Variants in PARD3B observed in about 807,000 individuals in gnomAD.
The protein encoded by PARD3B is par-3 family cell polarity regulator beta, also known as partitioning defective 3 homolog B.
In PARD3B, 103 loss-of-function variants were observed where a neutral mutation model predicts 130.2. That is an observed-to-expected ratio of 0.79 (90% CI 0.67 to 0.93). The LOEUF is 0.93. Ranked by LOEUF, PARD3B falls within the 40% of genes least tolerant of loss-of-function variation. The probability of loss-of-function intolerance (pLI) is 0.00; values close to 1 mark genes in which losing one functional copy is unlikely to be tolerated. For synonymous variants in PARD3B, 583 were observed against 553.2 expected, an observed-to-expected ratio of 1.05 and a Z score of -0.76; for missense variants, 1,609 against 1,499.2, an observed-to-expected ratio of 1.07 and a Z score of -1.21.
At chr2:204,798,704 A>G (rs1157264565) in intron 2 of PARD3B, among the ~76,000 whole-genome samples, 3 of 152,130 alleles carry the variant, frequency 2.0e-5, no homozygotes, top group Non-Finnish European at 4.4e-5. Flanking sequence ...GCTCAGCCAC[A>G]GTATGATAGG....
chr2:204,910,411 A>T (rs1397867715), intron 2 of PARD3B, among the ~76,000 whole-genome samples: 1 of 152,220 alleles, frequency 6.6e-6, no homozygotes, highest in East Asian at 1.9e-4. Flanking sequence ...AAGGTAAGAA[A>T]TTTGTAATAA....
chr2:205,085,144 G>A (rs1701668865), intron 4 of PARD3B, among the ~76,000 whole-genome samples: 2 of 151,934 alleles, frequency 1.3e-5, no homozygotes, highest in Admixed American at 6.6e-5. Context: ...GCGTAGGTTG[G>A]AATTTATTAT....
intron 10 of PARD3B, among the ~76,000 whole-genome samples, chr2:205,150,747 A>G (rs562765532): frequency 6.6e-6 from 1 of 152,288 alleles, no homozygotes; most frequent in African/African-American, 2.4e-5. Flanking sequence ...GGGTCAAATC[A>G]TGGAATGGAC....
intron 20 of PARD3B, among the ~76,000 whole-genome samples, chr2:205,459,006 C>T (rs1349232904): frequency 6.6e-6 from 1 of 152,158 alleles, no homozygotes; most frequent in Non-Finnish European, 1.5e-5. Context: ...GTGTTGTTTA[C>T]GAGTCCCTTC....
intron 18 of PARD3B, among the ~76,000 whole-genome samples, chr2:205,364,940 G>A (rs2668147): frequency 0.12 from 18,137 of 152,082 alleles, 1,157 homozygotes; most frequent in Middle Eastern, 0.14. Flanking sequence ...GGTGGCTCAC[G>A]CCTGTAATCC....
chr2:205,323,178 G>A (rs2042815140), intron 18 of PARD3B, among the ~76,000 whole-genome samples: 2 of 151,564 alleles, frequency 1.3e-5, no homozygotes, highest in South Asian at 4.2e-4. Flanking sequence ...CAAAGTGCTG[G>A]GATTACAGGC....
intron 4 of PARD3B, among the ~76,000 whole-genome samples, chr2:205,103,020 A>T (rs1392869838): frequency 6.6e-6 from 1 of 152,108 alleles, no homozygotes; most frequent in Non-Finnish European, 1.5e-5. Flanking sequence ...GTGAGCCGAG[A>T]TCATGCCACT....
At chr2:205,079,503 G>T (rs1004738392) in intron 4 of PARD3B, among the ~76,000 whole-genome samples, 3 of 152,122 alleles carry the variant, frequency 2.0e-5, no homozygotes, top group Non-Finnish European at 2.9e-5. Flanking sequence ...GACAAAAAAG[G>T]CTTCGCCAAT....
chr2:205,190,533 C>T (rs533503744), intron 14 of PARD3B, among the ~76,000 whole-genome samples: 4 of 152,282 alleles, frequency 2.6e-5, no homozygotes, highest in Admixed American at 6.5e-5. Context: ...TTTGCGGATT[C>T]GGGATCAGCA....
chr2:205,330,340 C>CA (rs369220742), intron 18 of PARD3B, among the ~76,000 whole-genome samples: 4,725 of 149,446 alleles, frequency 0.032, 203 homozygotes, highest in African/African-American at 0.1. Context: ...GACTCCACCC[C>CA]AAAAAAAAAA....
At chr2:204,998,341 T>TAC (rs1472035526) in intron 3 of PARD3B, among the ~76,000 whole-genome samples, 18 of 81,528 alleles carry the variant, frequency 2.2e-4, no homozygotes, top group African/African-American at 6.6e-4. Context: ...TATATATATA[T>TAC]ATATATATAT....
intron 1 of PARD3B, among the ~76,000 whole-genome samples, chr2:204,563,642 G>T (rs1423196049): frequency 6.6e-6 from 1 of 152,144 alleles, no homozygotes; most frequent in African/African-American, 2.4e-5. Flanking sequence ...TGGTGTGATT[G>T]ACTTATCTAC....
chr2:204,692,189 A>G (rs192066198), intron 2 of PARD3B, among the ~76,000 whole-genome samples: 481 of 152,194 alleles, frequency 3.2e-3, no homozygotes, highest in Middle Eastern at 0.01. Flanking sequence ...ACTTTATTTG[A>G]AAATAATTTT....
rs187987664 is a variant in PARD3B, at chr2:205,048,855, C to T, written c.504+1165C>T. Among the ~76,000 whole-genome samples the T allele has an allele frequency of 7.0e-4, 107 of 152,250 alleles. 1 individual carries two copies. The highest frequency in any genetic ancestry group is 1.3e-3 in the Non-Finnish European group (88 of 68,006). On this transcript the variant is annotated intron_variant, in intron 4 of 22. Transcript: ENST00000406610. Reference sequence around the variant, plus strand: ...TGTTTTTCCACTAACCTATTTAAAACTCTATCCTTCTAAGGAAATATATTT... The same window carrying T: ...TGTTTTTCCACTAACCTATTTAAAATTCTATCCTTCTAAGGAAATATATTT...
At position 205,280,609 on chromosome 2, in the gene PARD3B, C is replaced by T. The variant is rs2041151031; in HGVS notation, c.2186-19921C>T. On this transcript the variant is annotated intron_variant, in intron 16 of 22. Coordinates refer to ENST00000406610, the MANE Select transcript of PARD3B (RefSeq NM_001302769.2). This position sits in a 1 kb window ranked among gnomAD's most constrained non-coding sequence, Gnocchi z 4.7. ...TTTGTAAATAAGTATCTGTTGTCTC[C>T]CCAGATCAAGCTGTGTTTGTCTTAT... 6.6e-6 allele frequency among the ~76,000 whole-genome samples: 1 copy of T among 152,096 alleles called. No individual in the cohort carries two copies. The highest frequency in any genetic ancestry group is 1.5e-5 in the Non-Finnish European group (1 of 68,030).
chr2:205,081,859 T>G (rs1039149517), intron 4 of PARD3B, among the ~76,000 whole-genome samples: 2 of 152,158 alleles, frequency 1.3e-5, no homozygotes, highest in African/African-American at 4.8e-5. Context: ...GAGTAATGTA[T>G]TTATATGGCC....
At chr2:205,387,229 A>G (rs1167044595) in intron 18 of PARD3B, among the ~76,000 whole-genome samples, 2 of 152,190 alleles carry the variant, frequency 1.3e-5, no homozygotes, top group Admixed American at 6.5e-5. Context: ...TAGATGCAAG[A>G]CATTAATGAA....
At chr2:205,385,849 C>G (rs2045643264) in intron 18 of PARD3B, among the ~76,000 whole-genome samples, 1 of 152,078 alleles carries the variant, frequency 6.6e-6, no homozygotes. Context: ...CAATACTTTG[C>G]AAATTGGGAT....
At chr2:204,793,447 G>A (rs2042264421) in intron 2 of PARD3B, among the ~76,000 whole-genome samples, 1 of 152,108 alleles carries the variant, frequency 6.6e-6, no homozygotes, top group Non-Finnish European at 1.5e-5. Context: ...CCCTTTAAGT[G>A]AGGGTATTCC....
Sources: gnomAD v4.1 joint callset for allele counts (sites outside exome capture counted in the v4.1 genomes callset) on GRCh38, gnomAD v4.1.1 for gene constraint, Gnocchi (gnomAD v3.1) non-coding constraint, MANE v1.5 for transcripts, NCBI Gene and HGNC (gene_info 2026-07-23, HGNC 2026-07-21) for gene names.